The following GPR39 variants were observed in gnomAD, a reference collection of about 807,000 sequenced individuals.
GPR39 encodes the protein G protein-coupled receptor 39.
GPR39 carries 23 observed loss-of-function variants against 18.4 expected under a neutral mutation model. That is an observed-to-expected ratio of 1.25 (90% CI 0.90 to 1.77). GPR39 has a LOEUF of 1.77. GPR39 is among the 40% of genes most tolerant of loss of function. The pLI is 0.00. For missense variants in GPR39, 647 were observed against 602.4 expected (o/e 1.07, Z -0.78); for synonymous variants, 280 against 257.9 (o/e 1.09, Z -0.82).
intron 1 of GPR39, among the ~76,000 whole-genome samples, chr2:132,437,219 G>A (rs530608020): frequency 6.6e-6 from 1 of 152,254 alleles, no homozygotes; most frequent in African/African-American, 2.4e-5. Flanking sequence ...TTCACTGAAC[G>A]ATATTCACCC....
intron 1 of GPR39, among the ~76,000 whole-genome samples, chr2:132,566,698 A>T (rs1448000704): frequency 6.6e-6 from 1 of 152,162 alleles, no homozygotes; most frequent in Non-Finnish European, 1.5e-5. Context: ...GATTGACAGG[A>T]TGTCTTGTGA....
chr2:132,573,717 T>C (rs995250433), intron 1 of GPR39, among the ~76,000 whole-genome samples: 1 of 152,174 alleles, frequency 6.6e-6, no homozygotes, highest in Non-Finnish European at 1.5e-5. Context: ...CCCAAGAATC[T>C]GAGCTGTGTT....
At position 132,646,384 on chromosome 2, in the gene GPR39, C is replaced by T; in HGVS notation, c.*778C>T. On this transcript the variant is annotated 3_prime_UTR_variant, in exon 2 of 2. Transcript: ENST00000329321. ...GGACAGCTCTTCCTTACTCCTCCCA[C>T]AGCCCAGAGACTAGGTGAGGTCAGG... 1 of 681,792 alleles carries T rather than the reference C, an allele frequency of 1.5e-6. No homozygotes were observed. The allele number at this position is 681,792 out of a possible 1,614,324, so 42.2% of individuals were successfully genotyped here.
intron 1 of GPR39, among the ~76,000 whole-genome samples, chr2:132,490,170 G>A (rs1681429435): frequency 6.6e-6 from 1 of 151,926 alleles, no homozygotes; most frequent in African/African-American, 2.4e-5. Flanking sequence ...AGGAAGGAGA[G>A]GAGAGAGAGA....
At chr2:132,481,634 A>G (rs1573623384) in intron 1 of GPR39, among the ~76,000 whole-genome samples, 1 of 152,262 alleles carries the variant, frequency 6.6e-6, no homozygotes, top group Non-Finnish European at 1.5e-5. Context: ...CATTGCATAC[A>G]TATTTCAGCC....
intron 1 of GPR39, among the ~76,000 whole-genome samples, chr2:132,609,890 CT>C (rs1205553254): frequency 1.3e-5 from 2 of 152,108 alleles, no homozygotes; most frequent in African/African-American, 4.8e-5. Context: ...ATTGTCACCT[CT>C]GACTACAGCC....
At chr2:132,475,752 C>G (rs980874848) in intron 1 of GPR39, among the ~76,000 whole-genome samples, 2 of 152,202 alleles carry the variant, frequency 1.3e-5, no homozygotes, top group Non-Finnish European at 2.9e-5. Flanking sequence ...ACAAGAGTCT[C>G]TTTTTCTATG....
At chr2:132,552,977 C>T (rs1032871912) in intron 1 of GPR39, among the ~76,000 whole-genome samples, 11 of 150,678 alleles carry the variant, frequency 7.3e-5, no homozygotes, top group Admixed American at 2.7e-4. Flanking sequence ...CACTCTGTTG[C>T]CCAGGCTGGA....
rs118129739 is a variant in GPR39 at position 132,602,336 on chromosome 2, G to A, written c.857-42765G>A. Among the ~76,000 whole-genome samples the A allele has an allele frequency of 4.9e-4, 74 of 152,164 alleles. No homozygotes were observed. The East Asian group carries it at 0.012, about 24-fold the overall frequency. ...TGCTGGGAAAACTAGATATCCAAATGCAGAAAAATGAAACTAGGCTCTTAT... is the reference window on the plus strand; with the variant it reads ...TGCTGGGAAAACTAGATATCCAAATACAGAAAAATGAAACTAGGCTCTTAT... On this transcript the variant is annotated intron_variant, in intron 1 of 1. Coordinates refer to ENST00000329321, the MANE Select transcript of GPR39 (RefSeq NM_001508.3).
Position 132,580,971 on chromosome 2 carries a change from A to C in GPR39, c.857-64130A>C, listed in dbSNP as rs148603195. On this transcript the variant is annotated intron_variant, in intron 1 of 1. Coordinates refer to ENST00000329321, the MANE Select transcript of GPR39 (RefSeq NM_001508.3). ...GTGGGACTCTGTCTCAAAAAAAAAAAACAAAAAAAAAAACACCAAAAAAAA... is the reference window on the plus strand; with the variant it reads ...GTGGGACTCTGTCTCAAAAAAAAAACACAAAAAAAAAAACACCAAAAAAAA... 1.3e-4 allele frequency among the ~76,000 whole-genome samples: 20 copies of C among 149,026 alleles called. No individual in the cohort carries two copies. The East Asian group carries it at 3.9e-3, about 29-fold the overall frequency.
chr2:132,472,591 G>T (rs140138741), intron 1 of GPR39, among the ~76,000 whole-genome samples: 1 of 152,114 alleles, frequency 6.6e-6, no homozygotes, highest in Admixed American at 6.5e-5. Context: ...TGGTCATAGG[G>T]AATGGAAACC....
chr2:132,619,285 G>A (rs527784953), intron 1 of GPR39, among the ~76,000 whole-genome samples: 29 of 152,350 alleles, frequency 1.9e-4, no homozygotes, highest in Non-Finnish European at 3.5e-4. Flanking sequence ...GCACTGGACT[G>A]GGTGGCTGAG....
intron 1 of GPR39, among the ~76,000 whole-genome samples, chr2:132,554,907 G>A (rs182491168): frequency 3.3e-5 from 5 of 151,772 alleles, no homozygotes; most frequent in South Asian, 2.1e-4. Flanking sequence ...TGTTTGTACC[G>A]TTCAAACCCC....
chr2:132,620,439 A>G (rs1364592571), intron 1 of GPR39, among the ~76,000 whole-genome samples: 1 of 152,066 alleles, frequency 6.6e-6, no homozygotes, highest in Admixed American at 6.6e-5. Flanking sequence ...CTCCCATCTC[A>G]GTTTCCTGGG....
At chr2:132,471,422 C>G (rs963982272) in intron 1 of GPR39, among the ~76,000 whole-genome samples, 1 of 152,168 alleles carries the variant, frequency 6.6e-6, no homozygotes, top group African/African-American at 2.4e-5. Context: ...ACTGTATCCA[C>G]TAGTCGGTGC....
At chr2:132,521,058 C>T (rs116403673) in intron 1 of GPR39, among the ~76,000 whole-genome samples, 1,794 of 152,286 alleles carry the variant, frequency 0.012, 28 homozygotes, top group African/African-American at 0.04. Flanking sequence ...TACCCCTTTG[C>T]CTCATTGTCT....
At chr2:132,587,776 C>T (rs1382466793) in intron 1 of GPR39, among the ~76,000 whole-genome samples, 1 of 152,188 alleles carries the variant, frequency 6.6e-6, no homozygotes, top group Non-Finnish European at 1.5e-5. Context: ...CTCAGGTGAT[C>T]CACCCGCCTC....
chr2:132,509,941 C>T (rs917565485), intron 1 of GPR39, among the ~76,000 whole-genome samples: 8 of 152,128 alleles, frequency 5.3e-5, no homozygotes, highest in African/African-American at 1.9e-4. Context: ...AGGAGAGGGG[C>T]TCTTGGAAGC....
rs1438556840 is a variant in GPR39 at position 132,499,805 on chromosome 2, AGTATT to A, written c.856+81918_856+81922del. ...ATGTTCTTGATTAGATATATTCCTA[AGTATT>A]GTATTGTATTTATTTATTTATTTAT... On this transcript the variant is annotated intron_variant, in intron 1 of 1. Coordinates refer to ENST00000329321, the MANE Select transcript of GPR39 (RefSeq NM_001508.3). 2.0e-5 allele frequency among the ~76,000 whole-genome samples: 3 copies of A among 151,920 alleles called. No homozygotes were observed. In the East Asian group the frequency reaches 5.8e-4, roughly 29 times the overall value.
Sources: gnomAD v4.1 joint callset for allele counts (sites outside exome capture counted in the v4.1 genomes callset) on GRCh38, gnomAD v4.1.1 for gene constraint, MANE v1.5 for transcripts, NCBI Gene and HGNC (gene_info 2026-07-23, HGNC 2026-07-21) for gene names.